The following MYLK variants were observed in gnomAD, a reference collection of about 807,000 sequenced individuals.
The protein encoded by MYLK is myosin light chain kinase, smooth muscle.
MYLK carries 106 observed loss-of-function variants against 203.4 expected under a neutral mutation model. The ratio of observed to expected loss-of-function variants is 0.52; its 90% CI spans 0.45 to 0.61. MYLK has a LOEUF of 0.61. Ranked by LOEUF, MYLK falls within the 20% of genes least tolerant of loss-of-function variation. The pLI is 0.00. For synonymous variants in MYLK, 867 were observed against 959.5 expected (o/e 0.90, Z 1.78); for missense variants, 2,072 against 2,442.3 (o/e 0.85, Z 3.20).
intron 3 of MYLK, among the ~76,000 whole-genome samples, chr3:123,815,587 T>C (rs552393454): frequency 6.6e-6 from 1 of 152,198 alleles, no homozygotes; most frequent in South Asian, 2.1e-4. Context: ...AAGGTCCATC[T>C]CTTCTCTAAG....
chr3:123,784,043 C>T (rs2064404780), intron 4 of MYLK, among the ~76,000 whole-genome samples: 1 of 152,224 alleles, frequency 6.6e-6, no homozygotes, highest in South Asian at 2.1e-4. Context: ...CCTTCCTGTC[C>T]ATTTCCTGCT....
chr3:123,711,739 T>A (rs944565121), intron 13 of MYLK, among the ~76,000 whole-genome samples: 1 of 152,186 alleles, frequency 6.6e-6, no homozygotes, highest in African/African-American at 2.4e-5. Context: ...GGTTAGGATA[T>A]CTCTAACTTA....
chr3:123,832,857 G>T (rs988602241), intron 2 of MYLK, among the ~76,000 whole-genome samples: 1 of 152,176 alleles, frequency 6.6e-6, no homozygotes, highest in African/African-American at 2.4e-5. Flanking sequence ...CAGGTATTTT[G>T]TCATAGCAGC....
At chr3:123,817,600 A>G (rs1358229846) in intron 3 of MYLK, among the ~76,000 whole-genome samples, 1 of 152,210 alleles carries the variant, frequency 6.6e-6, no homozygotes, top group African/African-American at 2.4e-5. Flanking sequence ...TGACAAGGAA[A>G]GAGTGAATCA....
chr3:123,732,335 G>A (rs1393917742), intron 11 of MYLK, among the ~76,000 whole-genome samples: 1 of 152,104 alleles, frequency 6.6e-6, no homozygotes, highest in Non-Finnish European at 1.5e-5. Context: ...TCCAAGAATT[G>A]TATAAAAAGA....
At chr3:123,825,837 G>A (rs1168289532) in intron 3 of MYLK, among the ~76,000 whole-genome samples, 1 of 152,214 alleles carries the variant, frequency 6.6e-6, no homozygotes, top group Non-Finnish European at 1.5e-5. Flanking sequence ...CCAGCCAGAG[G>A]AACAATCTGC....
In MYLK at chr3:123,700,633, C is replaced by T. The variant is rs773308800; in HGVS notation, c.2835G>A (p.Val945=). 8.1e-6 allele frequency: 13 copies of T among 1,613,888 alleles called. No individual in the cohort carries two copies. The East Asian group carries it at 1.3e-4, about 17-fold the overall frequency. Residue 945 remains valine, a synonymous_variant, in exon 18 of 34, where the codon GTG becomes GTA. Transcript: ENST00000360304. ...PKTVSEEERK[V]HSPQQVDFRS... The stretch of plus-strand genomic sequence containing the variant: ...GAAAATCGACCTGCTGGGGGCTGTG[C>T]ACCTTCCTCTCTTCCTCAGACACAG...
At chr3:123,652,344 T>C (rs1015689795) in intron 24 of MYLK, among the ~76,000 whole-genome samples, 2 of 151,206 alleles carry the variant, frequency 1.3e-5, no homozygotes. Context: ...ATGAGCTAAG[T>C]GGAAGGCTAT....
chr3:123,726,262 G>A (rs820331), intron 11 of MYLK, among the ~76,000 whole-genome samples, 184 bp from the exon 12 acceptor site: 2 of 152,172 alleles, frequency 1.3e-5, no homozygotes, highest in African/African-American at 2.4e-5. Context: ...TAGGGACATG[G>A]AGCCTGAAGC....
intron 13 of MYLK, among the ~76,000 whole-genome samples, chr3:123,718,004 G>A (rs2061960392): frequency 6.6e-6 from 1 of 152,126 alleles, no homozygotes; most frequent in African/African-American, 2.4e-5. Flanking sequence ...TGGGACTAGA[G>A]GCATGGGCCA....
chr3:123,679,037 G>A (rs113295601), intron 20 of MYLK, among the ~76,000 whole-genome samples: 4 of 152,098 alleles, frequency 2.6e-5, no homozygotes, highest in African/African-American at 9.7e-5. Context: ...GGCCGGGCGC[G>A]GTGGCTCACG....
chr3:123,695,911 G>C (rs1302518831), intron 18 of MYLK, among the ~76,000 whole-genome samples: 1 of 152,156 alleles, frequency 6.6e-6, no homozygotes, highest in Non-Finnish European at 1.5e-5. Context: ...CCTCAGCAGA[G>C]GCAGGTCCCG....
chr3:123,775,850 C>T, intron 4 of MYLK, among the ~76,000 whole-genome samples: 1 of 152,162 alleles, frequency 6.6e-6, no homozygotes, highest in East Asian at 1.9e-4. Flanking sequence ...AAACTCACGG[C>T]TCTCTCACTG....
chr3:123,685,808 A>C (rs2060432699), intron 19 of MYLK, among the ~76,000 whole-genome samples: 1 of 151,920 alleles, frequency 6.6e-6, no homozygotes, highest in Non-Finnish European at 1.5e-5. Flanking sequence ...GTGTCAGTAC[A>C]CTACCCTGTA....
intron 13 of MYLK, among the ~76,000 whole-genome samples, chr3:123,717,581 C>T (rs1436572549): frequency 1.4e-5 from 2 of 138,202 alleles, no homozygotes; most frequent in African/African-American, 2.8e-5. Context: ...GAATTTTAGC[C>T]TTGATGGAGA....
chr3:123,852,302 T>C (rs1015380594), intron 2 of MYLK, among the ~76,000 whole-genome samples: 7 of 152,192 alleles, frequency 4.6e-5, no homozygotes, highest in African/African-American at 1.7e-4. Context: ...TTGATTGGAA[T>C]GGTACCAGCT....
chr3:123,738,689 C>T (rs531013449), intron 7 of MYLK, among the ~76,000 whole-genome samples: 1 of 152,340 alleles, frequency 6.6e-6, no homozygotes, highest in East Asian at 1.9e-4. Context: ...TTCCCCTGCA[C>T]ATGCTCTCTT....
intron 13 of MYLK, among the ~76,000 whole-genome samples, chr3:123,712,573 G>C (rs2061737964): frequency 6.6e-6 from 1 of 152,190 alleles, no homozygotes; most frequent in Non-Finnish European, 1.5e-5. Context: ...TCACCCTGTG[G>C]GTCTCAGCCA....
chr3:123,767,814 G>A (rs188389970), intron 4 of MYLK, among the ~76,000 whole-genome samples: 1 of 152,314 alleles, frequency 6.6e-6, no homozygotes, highest in Admixed American at 6.5e-5. Flanking sequence ...GTGTCTTCAG[G>A]GGAGTGGGCT....
Sources: gnomAD v4.1 joint callset for allele counts (sites outside exome capture counted in the v4.1 genomes callset) on GRCh38, gnomAD v4.1.1 for gene constraint, MANE v1.5 for transcripts, NCBI Gene and HGNC (gene_info 2026-07-23, HGNC 2026-07-21) for gene names.